EED: variants seen among roughly 807,000 people sequenced by gnomAD.
The protein encoded by EED is embryonic ectoderm development.
EED carries 9 observed loss-of-function variants against 61.0 expected under a neutral mutation model. The ratio of observed to expected loss-of-function variants is 0.15; its 90% CI spans 0.09 to 0.26. The LOEUF (loss-of-function observed/expected upper bound fraction) is 0.26, where lower values mean the gene tolerates loss of function less well. Ranked by LOEUF, EED falls within the 10% of genes least tolerant of loss-of-function variation. EED has a pLI of 1.00. For synonymous variants in EED, 187 were observed against 174.4 expected (o/e 1.07, Z -0.57); for missense variants, 315 against 542.3 (o/e 0.58, Z 4.16).
At chr11:86,245,624 T>C (rs934510633) in intron 1 of EED, among the ~76,000 whole-genome samples, 1 of 151,682 alleles carries the variant, frequency 6.6e-6, no homozygotes, top group African/African-American at 2.4e-5. Context: ...TTTTGGCCTT[T>C]GGGGGGATTT....
intron 6 of EED, among the ~76,000 whole-genome samples, chr11:86,260,947 A>C (rs944790170): frequency 1.3e-5 from 2 of 151,966 alleles, no homozygotes; most frequent in Admixed American, 6.6e-5. Context: ...AATTGGAATT[A>C]ATTCATTCAT....
At chr11:86,287,042 C>G in the EED span, among the ~76,000 whole-genome samples, 14 of 150,122 alleles carry the variant, frequency 9.3e-5, no homozygotes, top group Non-Finnish European at 1.9e-4. Context: ...TATAGAAAGT[C>G]CCATGAAACA....
chr11:86,285,076 A>G, the EED span, among the ~76,000 whole-genome samples: 1 of 151,948 alleles, frequency 6.6e-6, no homozygotes. Context: ...GTGCCACCAC[A>G]CTCCAGCCTG....
At chr11:86,273,584 G>A (rs867562109) in intron 9 of EED, among the ~76,000 whole-genome samples, 18 of 152,196 alleles carry the variant, frequency 1.2e-4, no homozygotes, top group African/African-American at 4.3e-4. Flanking sequence ...TTTAGAGCAG[G>A]TCTGCTGTTA....
downstream of EED, among the ~76,000 whole-genome samples, chr11:86,283,122 G>C (rs536471817): frequency 6.6e-6 from 1 of 152,266 alleles, no homozygotes; most frequent in African/African-American, 2.4e-5. Flanking sequence ...CCCTTCAGTG[G>C]ATACTAGTTA....
chr11:86,255,042 T>C (rs1945634997), intron 3 of EED, among the ~76,000 whole-genome samples, 180 bp from the exon 4 acceptor site: 1 of 152,284 alleles, frequency 6.6e-6, no homozygotes. Context: ...TAATATGCTC[T>C]GTGTATTATG....
At chr11:86,268,207 A>G (rs888922650) in intron 8 of EED, 3 of 300,826 alleles carry the variant, frequency 1.0e-5, no homozygotes, top group Admixed American at 5.0e-5. Context: ...AGGAAACTAC[A>G]ATGTTTATAA....
At chr11:86,283,234 T>C (rs1351071345), downstream of EED, among the ~76,000 whole-genome samples, 2 of 151,996 alleles carry the variant, frequency 1.3e-5, no homozygotes, top group African/African-American at 2.4e-5. Context: ...AGATTGACAA[T>C]GAAGCAAGCT....
chr11:86,279,575 G>A (rs921378205), downstream of EED, among the ~76,000 whole-genome samples: 17 of 152,296 alleles, frequency 1.1e-4, no homozygotes, highest in Admixed American at 9.8e-4. Context: ...TGATCATAAA[G>A]CTAAGGTTGG....
At chr11:86,262,803 C>A (rs1283477521) in intron 6 of EED, among the ~76,000 whole-genome samples, 1 of 148,702 alleles carries the variant, frequency 6.7e-6, no homozygotes, top group African/African-American at 2.5e-5. Context: ...AGCTACCACA[C>A]CTGGCCTGGC....
At chr11:86,287,454 T>C in the EED span, among the ~76,000 whole-genome samples, 20 of 152,216 alleles carry the variant, frequency 1.3e-4, no homozygotes, top group Non-Finnish European at 2.5e-4. Context: ...AGAGCAAGAC[T>C]TCATGTGAAT....
At chr11:86,264,875 G>A (rs1945935201) in intron 7 of EED, 1 of 152,112 alleles carries the variant, frequency 6.6e-6, no homozygotes, top group African/African-American at 2.4e-5. Context: ...TTTGATTCCT[G>A]TAGTAATTTC....
In EED at chr11:86,277,867, A is replaced by C. The variant is rs1471102348; in HGVS notation, c.1126-51A>C. 2.0e-6 allele frequency: 3 copies of C among 1,490,386 alleles called. No homozygotes were observed. In the South Asian group the frequency reaches 4.3e-5, roughly 21 times the overall value. The allele number at this position is 1,490,386 out of a possible 1,614,324, so 92.3% of individuals were successfully genotyped here. On this transcript the variant is annotated intron_variant, in intron 10 of 11. Transcript: ENST00000263360. Reference sequence around the variant, plus strand: ...TGTCTGAGGATTCCTCCAATGCTTTAGAACCTGGTAATTTTATTAATTTGA... The same window carrying C: ...TGTCTGAGGATTCCTCCAATGCTTTCGAACCTGGTAATTTTATTAATTTGA...
At chr11:86,253,516 T>G (rs531451379) in intron 3 of EED, among the ~76,000 whole-genome samples, 2 of 152,318 alleles carry the variant, frequency 1.3e-5, no homozygotes, top group East Asian at 3.9e-4. Context: ...TGTCATATAG[T>G]TTATTGAATT....
intron 6 of EED, among the ~76,000 whole-genome samples, chr11:86,260,972 C>T (rs1221888660): frequency 6.6e-6 from 1 of 151,626 alleles, no homozygotes; most frequent in African/African-American, 2.4e-5. Context: ...GTGGTACTCT[C>T]ATGACCTAAC....
chr11:86,251,754 G>C (rs1346786992), intron 2 of EED, among the ~76,000 whole-genome samples: 11 of 152,308 alleles, frequency 7.2e-5, no homozygotes, highest in African/African-American at 2.4e-4. Context: ...GAATGCCAGA[G>C]AAGCTATTAA....
rs1946286164 is a variant in EED at position 86,278,714 on chromosome 11, T to C, written c.*189T>C. On this transcript the variant is annotated 3_prime_UTR_variant, in exon 12 of 12. Transcript: ENST00000263360. ...TGTCTTCCTGCTCAGACTCTACTGC[T>C]TTTAATAAAAATTTATTTTTGTAAA... 1.6e-6 allele frequency: 1 copy of C among 634,598 alleles called. No homozygotes were observed. The highest frequency in any genetic ancestry group is 3.5e-5 in the East Asian group (1 of 28,802). 39.3% of individuals were successfully genotyped at this position (634,598 alleles called of 1,614,324 possible).
the EED span, chr11:86,283,966 TAGC>T: frequency 1.3e-5 from 2 of 152,018 alleles, no homozygotes; most frequent in Non-Finnish European, 2.9e-5. Context: ...CTAGGAGAAA[TAGC>T]AGGTGGTTCT....
intron 4 of EED, among the ~76,000 whole-genome samples, chr11:86,255,494 AAAAAG>A (rs1367211825): frequency 6.6e-6 from 1 of 152,210 alleles, no homozygotes; most frequent in African/African-American, 2.4e-5. Flanking sequence ...AGGCAAAAAG[AAAAAG>A]AAAAGAATCC....
Sources: gnomAD v4.1 joint callset for allele counts (sites outside exome capture counted in the v4.1 genomes callset) on GRCh38, gnomAD v4.1.1 for gene constraint, MANE v1.5 for transcripts, NCBI Gene and HGNC (gene_info 2026-07-23, HGNC 2026-07-21) for gene names.